The following SAMHD1 variants were observed in gnomAD, a reference collection of about 807,000 sequenced individuals.
SAMHD1 encodes SAM and HD domain containing deoxynucleoside triphosphate triphosphohydrolase 1.
SAMHD1 carries 54 observed loss-of-function variants against 79.6 expected under a neutral mutation model. The ratio of observed to expected loss-of-function variants is 0.68; its 90% CI spans 0.55 to 0.85. The LOEUF is 0.85. Among genes scored for constraint, SAMHD1 ranks in the 40% least tolerant of loss-of-function variants. The pLI is 0.00. For missense variants in SAMHD1, 663 were observed against 782.7 expected (o/e 0.85, Z 1.82); for synonymous variants, 260 against 264.1 (o/e 0.98, Z 0.15).
chr20:36,897,338 A>G (rs1990217066), intron 15 of SAMHD1, among the ~76,000 whole-genome samples: 1 of 152,234 alleles, frequency 6.6e-6, no homozygotes, highest in African/African-American at 2.4e-5. Flanking sequence ...GACAATTTTA[A>G]CAACCTTCTC....
At chr20:36,944,209 T>C (rs1435415467) in intron 2 of SAMHD1, among the ~76,000 whole-genome samples, 10 of 150,680 alleles carry the variant, frequency 6.6e-5, no homozygotes. Context: ...TAACCGGGCA[T>C]GGTGGCACAT....
chr20:36,912,518 C>T lies in SAMHD1; in HGVS notation c.1097G>A (p.Arg366His), dbSNP rs1190911691. ...VGNLYDMFHT[R>H]NSLHRRAYQH... The stretch of plus-strand genomic sequence containing the variant: ...ATAAGCTCTACGGTGTAAAGAGTTG[C>T]GAGTGTGGAACATGTCATACAGATT... Residue 366 changes from arginine (R) to histidine (H), a missense_variant, in exon 10 of 16, where the codon CGC (arginine) becomes CAC (histidine). Coordinates refer to ENST00000646673, the MANE Select transcript of SAMHD1 (RefSeq NM_015474.4). 19 of 1,612,946 alleles carry T rather than the reference C, an allele frequency of 1.2e-5. No homozygotes were observed. The highest frequency in any genetic ancestry group is 1.6e-5 in the Non-Finnish European group (19 of 1,179,258).
At chr20:36,910,221 T>C (rs1176482648) in intron 11 of SAMHD1, among the ~76,000 whole-genome samples, 2 of 72,270 alleles carry the variant, frequency 2.8e-5, no homozygotes, top group Non-Finnish European at 5.0e-5. Flanking sequence ...AGACTCCGTA[T>C]CAAAAAAAAA....
intron 10 of SAMHD1, 156 bp from the exon 11 acceptor site, chr20:36,911,489 G>A: frequency 1.6e-6 from 1 of 636,858 alleles, no homozygotes; most frequent in Non-Finnish European, 2.8e-6. Context: ...TTTGTGCTTG[G>A]TAAGCTGTGA....
At chr20:36,948,731 G>A (rs1270458092) in intron 1 of SAMHD1, among the ~76,000 whole-genome samples, 1 of 103,338 alleles carries the variant, frequency 9.7e-6, no homozygotes, top group African/African-American at 3.3e-5. Context: ...GCCAGGTGTG[G>A]TGGTGGGCAC....
At chr20:36,895,569 A>G (rs1353404929) in intron 15 of SAMHD1, among the ~76,000 whole-genome samples, 1 of 152,074 alleles carries the variant, frequency 6.6e-6, no homozygotes, top group African/African-American at 2.4e-5. Flanking sequence ...GGAACTGTCT[A>G]TCTTAGGTAC....
At chr20:36,946,047 C>T (rs1034637492) in intron 2 of SAMHD1, among the ~76,000 whole-genome samples, 25 of 151,960 alleles carry the variant, frequency 1.6e-4, no homozygotes, top group African/African-American at 5.8e-4. Context: ...CTTTGGGAGG[C>T]CGAGGCAAGC....
intron 9 of SAMHD1, among the ~76,000 whole-genome samples, chr20:36,914,684 AT>A (rs1482886353): frequency 1.3e-5 from 2 of 150,912 alleles, no homozygotes; most frequent in East Asian, 3.9e-4. Flanking sequence ...TCTTAATAAC[AT>A]TTTCTTTTCT....
intron 13 of SAMHD1, among the ~76,000 whole-genome samples, chr20:36,902,084 G>A (rs1990315960): frequency 6.6e-6 from 1 of 152,186 alleles, no homozygotes; most frequent in Non-Finnish European, 1.5e-5. Flanking sequence ...AGGAGCCAAA[G>A]GTTGGGTTAC....
intron 11 of SAMHD1, among the ~76,000 whole-genome samples, chr20:36,907,539 CT>C (rs71186087): frequency 0.1 from 12,573 of 125,740 alleles, 710 homozygotes; most frequent in Middle Eastern, 0.18. Flanking sequence ...ATAAAGATGA[CT>C]TTTTTTTTTT....
rs1272713328 is a variant in SAMHD1 at position 36,890,390 on chromosome 20, TTCTTTC to T, written c.*2536_*2541del. ...ATTTTTATACAAATAGCAAAGATAT[TTCTTTC>T]TCTTTCTTTCTTTCTTTCTTTCTTT... On this transcript the variant is annotated 3_prime_UTR_variant, in exon 16 of 16. Coordinates refer to ENST00000646673, the MANE Select transcript of SAMHD1 (RefSeq NM_015474.4). 43 of 19,748 alleles carry T rather than the reference TTCTTTC, an allele frequency of 2.2e-3. No homozygotes were observed. The highest frequency in any genetic ancestry group is 0.056 in the Middle Eastern group (1 of 18). 1.2% of individuals were successfully genotyped at this position (19,748 alleles called of 1,614,324 possible).
chr20:36,907,029 T>C (rs531924843), intron 11 of SAMHD1, among the ~76,000 whole-genome samples: 2 of 151,794 alleles, frequency 1.3e-5, no homozygotes, highest in Non-Finnish European at 2.9e-5. Context: ...TGGCCTCAAG[T>C]GATCCACCCG....
At chr20:36,951,058 CAAGTTAGTGAAGAA>C (rs1159669820) in intron 1 of SAMHD1, among the ~76,000 whole-genome samples, 1 of 152,202 alleles carries the variant, frequency 6.6e-6, no homozygotes, top group Non-Finnish European at 1.5e-5. Flanking sequence ...GCCGGGGTGG[CAAGTTAGTGAAGAA>C]ACCCACGAGA....
rs1990219246 is a variant in SAMHD1, at chr20:36,897,480, A to T, written c.1746+342T>A. On this transcript the variant is annotated intron_variant, in intron 15 of 15. Transcript: ENST00000646673. ...TCTATTATCAATTTTATGTTAAACA[A>T]GTTAACTACTCAGCTTTGGTAACCT... 3 of 354,468 alleles carry T rather than the reference A, an allele frequency of 8.5e-6. 1 individual carries two copies. The highest frequency in any genetic ancestry group is 7.9e-5 in the South Asian group (3 of 37,886). The allele number at this position is 354,468 out of a possible 1,614,324, so 22.0% of individuals were successfully genotyped here.
intron 9 of SAMHD1, among the ~76,000 whole-genome samples, 159 bp from the exon 10 acceptor site, chr20:36,912,711 G>A (rs904133501): frequency 2.1e-4 from 31 of 150,818 alleles, no homozygotes; most frequent in African/African-American, 6.6e-4. Flanking sequence ...AAAAAATGAG[G>A]AGGCAGATTA....
intron 3 of SAMHD1, chr20:36,940,541 A>C (rs918120766): frequency 4.7e-5 from 8 of 170,086 alleles, no homozygotes; most frequent in Admixed American, 4.7e-4. Context: ...TTTATAAAAA[A>C]TACAAAAATT....
At chr20:36,948,177 C>T (rs2063707248) in intron 1 of SAMHD1, among the ~76,000 whole-genome samples, 1 of 151,928 alleles carries the variant, frequency 6.6e-6, no homozygotes, top group Non-Finnish European at 1.5e-5. Flanking sequence ...GGCTGTATTC[C>T]ATAATGAGAA....
chr20:36,944,404 T>A (rs184923271), intron 2 of SAMHD1, among the ~76,000 whole-genome samples: 13 of 152,322 alleles, frequency 8.5e-5, no homozygotes, highest in Non-Finnish European at 5.9e-5. Flanking sequence ...AGTTAAATGT[T>A]CTACAGTGAT....
intron 11 of SAMHD1, among the ~76,000 whole-genome samples, chr20:36,907,713 G>A (rs968528131): frequency 1.3e-4 from 20 of 150,418 alleles, no homozygotes; most frequent in Admixed American, 6.0e-4. Context: ...TCCTGACCTC[G>A]TATCTGCCCA....
Sources: allele counts gnomAD v4.1 joint callset (sites outside exome capture counted in the v4.1 genomes callset), GRCh38; gene constraint gnomAD v4.1.1; transcripts MANE v1.5; gene names NCBI Gene and HGNC (gene_info 2026-07-23, HGNC 2026-07-21).